The following IL15 variants were observed in gnomAD, a reference collection of about 807,000 sequenced individuals.
IL15 encodes interleukin-15.
A neutral mutation model predicts 19.6 loss-of-function variants in IL15; 11 were observed. The observed-to-expected ratio is 0.56, with a 90% CI of 0.35 to 0.93. The LOEUF (loss-of-function observed/expected upper bound fraction) is 0.93. Ranked by LOEUF, IL15 falls within the 40% of genes least tolerant of loss-of-function variation. The pLI is 0.01. For missense variants in IL15, 197 were observed against 186.5 expected, an observed-to-expected ratio of 1.06 and a Z score of -0.33; for synonymous variants, 58 against 59.6, an observed-to-expected ratio of 0.97 and a Z score of 0.12.
intron 2 of IL15, among the ~76,000 whole-genome samples, chr4:141,681,339 T>A (rs954687775): frequency 2.0e-5 from 3 of 151,646 alleles, no homozygotes; most frequent in Non-Finnish European, 2.9e-5. Flanking sequence ...ATAGAAGTCA[T>A]AGTAATATTT....
At chr4:141,655,337 C>A (rs1056898575) in intron 1 of IL15, among the ~76,000 whole-genome samples, 3 of 149,500 alleles carry the variant, frequency 2.0e-5, no homozygotes, top group Non-Finnish European at 4.4e-5. Flanking sequence ...AAATTTAAGG[C>A]GGTATTATAC....
At chr4:141,701,516 G>C (rs1218561928) in intron 2 of IL15, among the ~76,000 whole-genome samples, 4 of 152,080 alleles carry the variant, frequency 2.6e-5, no homozygotes, top group African/African-American at 9.7e-5. Context: ...ATCTCTTGAA[G>C]TTTGTCTCAT....
intron 1 of IL15, among the ~76,000 whole-genome samples, chr4:141,644,749 A>G (rs1162096192): frequency 2.0e-5 from 3 of 152,136 alleles, no homozygotes; most frequent in Admixed American, 6.5e-5. Context: ...CCCAACATAC[A>G]ATGGTAAAAC....
chr4:141,702,329 GT>G (rs1579034485), intron 2 of IL15, among the ~76,000 whole-genome samples: 3 of 152,160 alleles, frequency 2.0e-5, no homozygotes, highest in Non-Finnish European at 4.4e-5. Context: ...GATCTTCTGG[GT>G]CTAGCCACCC....
chr4:141,726,812 A>G (rs186334357), intron 5 of IL15, among the ~76,000 whole-genome samples: 1 of 152,314 alleles, frequency 6.6e-6, no homozygotes, highest in Non-Finnish European at 1.5e-5. Flanking sequence ...TGATGAGTGA[A>G]AAAAGCCAGT....
intron 2 of IL15, among the ~76,000 whole-genome samples, chr4:141,713,269 G>T (rs1004966594): frequency 6.6e-6 from 1 of 152,290 alleles, no homozygotes; most frequent in East Asian, 1.9e-4. Flanking sequence ...CTTAAATTAG[G>T]ACTGAAGAGA....
rs1217588365 is a variant in IL15 at position 141,726,574 on chromosome 4, A to G, written c.196-1366A>G. On this transcript the variant is annotated intron_variant, in intron 5 of 7. Coordinates refer to ENST00000320650, the MANE Select transcript of IL15 (RefSeq NM_000585.5). ...AAACAAAACATGCATTTGCCTTACA[A>G]TCCAACAATTGTGCTCTTAGACATT... 5.3e-5 allele frequency among the ~76,000 whole-genome samples: 8 copies of G among 152,302 alleles called. No homozygotes were observed. In the East Asian group the frequency reaches 1.5e-3, roughly 29 times the overall value.
intron 2 of IL15, among the ~76,000 whole-genome samples, chr4:141,677,495 C>T (rs1046773090): frequency 4.6e-5 from 7 of 152,104 alleles, no homozygotes; most frequent in Non-Finnish European, 7.4e-5. Context: ...GGAGTCAAAA[C>T]TTACAGGTAG....
intron 7 of IL15, among the ~76,000 whole-genome samples, chr4:141,731,286 A>G (rs1196464541): frequency 6.6e-6 from 1 of 152,130 alleles, no homozygotes; most frequent in Non-Finnish European, 1.5e-5. Context: ...AATATGATAT[A>G]TTTTATGTAA....
chr4:141,681,537 A>G (rs1247784792), intron 2 of IL15, among the ~76,000 whole-genome samples: 2 of 152,132 alleles, frequency 1.3e-5, no homozygotes, highest in Non-Finnish European at 2.9e-5. Context: ...TGGGAAAACA[A>G]TTTCTTTCAT....
intron 2 of IL15, among the ~76,000 whole-genome samples, chr4:141,656,664 C>T (rs1252099028): frequency 5.3e-5 from 8 of 152,100 alleles, no homozygotes; most frequent in East Asian, 1.9e-4. Context: ...CAAAAACAGG[C>T]GGCTGATGAG....
chr4:141,653,860 C>T (rs1173715388), intron 1 of IL15, among the ~76,000 whole-genome samples: 1 of 152,196 alleles, frequency 6.6e-6, no homozygotes, highest in East Asian at 1.9e-4. Context: ...ACACAAGTCT[C>T]ATGAGATGTT....
At chr4:141,704,103 G>T (rs1294950310) in intron 2 of IL15, among the ~76,000 whole-genome samples, 1 of 152,112 alleles carries the variant, frequency 6.6e-6, no homozygotes, top group Non-Finnish European at 1.5e-5. Flanking sequence ...TTGAATAGAA[G>T]TCATGGATAG....
At chr4:141,649,889 A>C (rs1261296497) in intron 1 of IL15, among the ~76,000 whole-genome samples, 3 of 152,116 alleles carry the variant, frequency 2.0e-5, no homozygotes, top group Non-Finnish European at 4.4e-5. Context: ...AACTGACTAA[A>C]GTATATCTAT....
chr4:141,685,264 A>G (rs1728672051), intron 2 of IL15, among the ~76,000 whole-genome samples: 1 of 152,230 alleles, frequency 6.6e-6, no homozygotes, highest in African/African-American at 2.4e-5. Flanking sequence ...ATGTGCTTAT[A>G]TGCATTTTTC....
intron 2 of IL15, among the ~76,000 whole-genome samples, chr4:141,679,541 A>G (rs1728466408): frequency 6.6e-6 from 1 of 152,088 alleles, no homozygotes; most frequent in Non-Finnish European, 1.5e-5. Context: ...TGTTCCTTTT[A>G]TTCTCTTTCT....
intron 2 of IL15, among the ~76,000 whole-genome samples, chr4:141,686,301 TA>T: frequency 6.9e-6 from 1 of 145,880 alleles, no homozygotes; most frequent in Middle Eastern, 3.7e-3. Context: ...ATCTCAAAAA[TA>T]AATAAATAAA....
intron 2 of IL15, among the ~76,000 whole-genome samples, chr4:141,671,112 T>G (rs2152167352): frequency 6.6e-6 from 1 of 152,326 alleles, no homozygotes; most frequent in African/African-American, 2.4e-5. Context: ...TATGCTAGTC[T>G]TAATGTATAT....
chr4:141,667,679 T>C (rs112708711), intron 2 of IL15, among the ~76,000 whole-genome samples: 63 of 152,302 alleles, frequency 4.1e-4, no homozygotes, highest in African/African-American at 1.4e-3. Flanking sequence ...TATTCAGTTA[T>C]AGGAAGGAAG....
Sources: allele counts gnomAD v4.1 joint callset (sites outside exome capture counted in the v4.1 genomes callset), GRCh38; gene constraint gnomAD v4.1.1; transcripts MANE v1.5; gene names NCBI Gene and HGNC (gene_info 2026-07-23, HGNC 2026-07-21).